GALNT2: variants seen among roughly 807,000 people sequenced by gnomAD.
The protein encoded by GALNT2 is polypeptide N-acetylgalactosaminyltransferase 2, also known as UDP-GalNAc:polypeptide N-acetylgalactosaminyltransferase 2.
GALNT2 carries 31 observed loss-of-function variants against 81.4 expected under a neutral mutation model. The observed-to-expected ratio is 0.38, with a 90% CI of 0.29 to 0.51. The LOEUF (loss-of-function observed/expected upper bound fraction) is 0.51. Among genes scored for constraint, GALNT2 ranks in the 20% least tolerant of loss-of-function variants. GALNT2 has a pLI of 0.87. For synonymous variants in GALNT2, 303 were observed against 287.4 expected (o/e 1.05, Z -0.55); for missense variants, 629 against 765.7 (o/e 0.82, Z 2.11).
At chr1:230,104,143 A>C (rs1660475353) in intron 1 of GALNT2, among the ~76,000 whole-genome samples, 1 of 152,088 alleles carries the variant, frequency 6.6e-6, no homozygotes, top group South Asian at 2.1e-4. Flanking sequence ...TCTCCAAAGG[A>C]GTCAGCAGGC....
chr1:230,250,856 C>G (rs1002787666), intron 10 of GALNT2, among the ~76,000 whole-genome samples: 6 of 152,226 alleles, frequency 3.9e-5, no homozygotes, highest in African/African-American at 1.2e-4. Flanking sequence ...TGCAGGCTTG[C>G]AAAAACAGAG....
chr1:230,266,336 G>A (rs1666037503), intron 14 of GALNT2, among the ~76,000 whole-genome samples: 1 of 152,154 alleles, frequency 6.6e-6, no homozygotes, highest in Non-Finnish European at 1.5e-5. Context: ...ATAATAATAG[G>A]AATTGGGTGA....
intron 2 of GALNT2, among the ~76,000 whole-genome samples, chr1:230,185,906 C>T (rs1036754423): frequency 2.0e-5 from 3 of 152,180 alleles, no homozygotes; most frequent in African/African-American, 7.2e-5. Context: ...TTTCCTACCC[C>T]CGTAGTGGAT....
chr1:230,151,672 A>C (rs1662098536), intron 1 of GALNT2, among the ~76,000 whole-genome samples: 1 of 152,220 alleles, frequency 6.6e-6, no homozygotes, highest in African/African-American at 2.4e-5. Flanking sequence ...CTTCAACTAC[A>C]GATGAACCAG....
At chr1:230,146,317 A>G (rs114588069) in intron 1 of GALNT2, among the ~76,000 whole-genome samples, 1,564 of 152,324 alleles carry the variant, frequency 0.01, 28 homozygotes, top group African/African-American at 0.036. Context: ...ACTTGTTCGC[A>G]GCTATTCATG....
chr1:230,229,424 G>A (rs556293311), intron 3 of GALNT2, among the ~76,000 whole-genome samples: 50 of 152,290 alleles, frequency 3.3e-4, no homozygotes, highest in African/African-American at 1.2e-3. Flanking sequence ...TTTAAAACAT[G>A]GTGATACCTA....
rs1659333979 is a variant in GALNT2, at chr1:230,070,309, C to G, written c.126+2903C>G. The stretch of plus-strand genomic sequence containing the variant: ...GATTTGCACTTCAAGCGTGCCTTTC[C>G]TTTGAGCTTCTTAAATGCTTTAAAA... On this transcript the variant is annotated intron_variant, in intron 1 of 15. Coordinates refer to ENST00000366672, the MANE Select transcript of GALNT2 (RefSeq NM_004481.5). This position sits in a 1 kb window ranked among gnomAD's most constrained non-coding sequence, Gnocchi z 4.7. Among the ~76,000 whole-genome samples, 1 of 152,114 alleles carries G rather than the reference C, an allele frequency of 6.6e-6. No homozygotes were observed. The highest frequency in any genetic ancestry group is 2.1e-4 in the South Asian group (1 of 4,832).
intron 1 of GALNT2, among the ~76,000 whole-genome samples, chr1:230,166,240 G>GA (rs1468467701): frequency 6.6e-6 from 1 of 152,164 alleles, no homozygotes; most frequent in Non-Finnish European, 1.5e-5. Flanking sequence ...ATGTTAATGA[G>GA]AAAATGTACA....
In GALNT2 at chr1:230,274,761, T is replaced by C. The variant is rs555710933; in HGVS notation, c.1560+197T>C. Among the ~76,000 whole-genome samples the C allele has an allele frequency of 5.9e-5, 9 of 152,320 alleles. No homozygotes were observed. In the East Asian group the frequency reaches 1.7e-3, roughly 29 times the overall value. The stretch of plus-strand genomic sequence containing the variant: ...AAACCTAATGTTGCTTATTTCTGAT[T>C]ATATTCTCATTCTCTTCCCTATGCC... On this transcript the variant is annotated intron_variant, in intron 15 of 15. Transcript: ENST00000366672.
chr1:230,144,861 G>A (rs1413635410), intron 1 of GALNT2, among the ~76,000 whole-genome samples: 1 of 152,154 alleles, frequency 6.6e-6, no homozygotes, highest in African/African-American at 2.4e-5. Flanking sequence ...TGGGGCAGAG[G>A]TTATGGTGTT....
At chr1:230,109,944 C>T (rs1017024807) in intron 1 of GALNT2, among the ~76,000 whole-genome samples, 79 of 152,186 alleles carry the variant, frequency 5.2e-4, no homozygotes, top group African/African-American at 1.7e-3. Flanking sequence ...TTCTGGGACG[C>T]GTAGGTCTCT....
At chr1:230,210,584 G>T (rs1664203981) in intron 3 of GALNT2, among the ~76,000 whole-genome samples, 2 of 152,144 alleles carry the variant, frequency 1.3e-5, no homozygotes, top group Non-Finnish European at 2.9e-5. Flanking sequence ...CATCTAATCG[G>T]TTTATCTTTA....
intron 2 of GALNT2, among the ~76,000 whole-genome samples, chr1:230,182,333 ATCTT>A (rs1312396878): frequency 4.0e-5 from 6 of 151,524 alleles, no homozygotes; most frequent in South Asian, 2.1e-4. Context: ...TTGCTTTTAG[ATCTT>A]TCTTATTTTC....
chr1:230,179,812 T>G (rs1411381040), intron 2 of GALNT2, among the ~76,000 whole-genome samples: 3 of 152,210 alleles, frequency 2.0e-5, no homozygotes, highest in Non-Finnish European at 4.4e-5. Flanking sequence ...TATCAATTAT[T>G]TCCTTCATTG....
At chr1:230,139,983 T>G (rs1445603111) in intron 1 of GALNT2, among the ~76,000 whole-genome samples, 1 of 152,196 alleles carries the variant, frequency 6.6e-6, no homozygotes, top group Non-Finnish European at 1.5e-5. Flanking sequence ...TAAAGATGAA[T>G]CAGCCCAGCC....
At chr1:230,265,903 G>A (rs531472564) in intron 14 of GALNT2, among the ~76,000 whole-genome samples, 1 of 152,318 alleles carries the variant, frequency 6.6e-6, no homozygotes, top group South Asian at 2.1e-4. Flanking sequence ...GCATAAAAAT[G>A]CACAACCGCC....
In GALNT2 at chr1:230,201,504, A is replaced by G. The variant is rs183100430; in HGVS notation, c.221-1633A>G. Among the ~76,000 whole-genome samples the G allele has an allele frequency of 1.1e-3, 167 of 152,348 alleles. 1 individual carries two copies. Among genetic ancestry groups the G allele is most frequent in the Non-Finnish European group, 1.9e-3 (126 of 68,028 alleles). ...TCTCTGAAATAGAGAAAGGAACACA[A>G]TGGCCCTTCAATTGTGTAATGAGGG... is the stretch of plus-strand genomic sequence containing the variant. On this transcript the variant is annotated intron_variant, in intron 2 of 15. Coordinates refer to ENST00000366672, the MANE Select transcript of GALNT2 (RefSeq NM_004481.5).
chr1:230,169,825 A>G (rs1354392906), intron 1 of GALNT2, among the ~76,000 whole-genome samples: 2 of 152,246 alleles, frequency 1.3e-5, no homozygotes, highest in African/African-American at 4.8e-5. Flanking sequence ...GTATGTATAA[A>G]GCAGTTTGTG....
At chr1:230,159,431 G>A (rs1238135436) in intron 1 of GALNT2, among the ~76,000 whole-genome samples, 1 of 152,160 alleles carries the variant, frequency 6.6e-6, no homozygotes, top group African/African-American at 2.4e-5. Context: ...CAATTATTTC[G>A]TTTCTTTGTT....
Sources: gnomAD v4.1 joint callset for allele counts (sites outside exome capture counted in the v4.1 genomes callset) on GRCh38, gnomAD v4.1.1 for gene constraint, Gnocchi (gnomAD v3.1) non-coding constraint, MANE v1.5 for transcripts, NCBI Gene and HGNC (gene_info 2026-07-23, HGNC 2026-07-21) for gene names.